The following AMN1 variants were observed in gnomAD, a reference collection of about 807,000 sequenced individuals.
AMN1 encodes antagonist of mitotic exit network 1 homolog, also known as protein AMN1 homolog.
Under a neutral mutation model 33.0 loss-of-function variants are expected in AMN1, and 20 were observed. That is an observed-to-expected ratio of 0.61 (90% CI 0.43 to 0.88). The LOEUF is 0.88. AMN1 is among the 40% of genes least tolerant of loss of function. The pLI is 0.00. For missense variants in AMN1, 246 were observed against 307.4 expected (o/e 0.80, Z 1.49); for synonymous variants, 114 against 111.9 (o/e 1.02, Z -0.12).
chr12:31,676,571 C>T (rs1937715177), intron 6 of AMN1, among the ~76,000 whole-genome samples: 1 of 150,690 alleles, frequency 6.6e-6, no homozygotes, highest in South Asian at 2.1e-4. Flanking sequence ...ATCTGCCCGC[C>T]TTGGCCTCCC....
chr12:31,687,798 G>A lies in AMN1; in HGVS notation c.703+1209C>T, dbSNP rs992251168. ...ACAAGTTAGATCCAGTTTATATTAC[G>A]GTGTGGACCTATTATAGGGGTAATA... On this transcript the variant is annotated intron_variant, in intron 6 of 6. Transcript: ENST00000281471. This position sits in a 1 kb window ranked among gnomAD's most constrained non-coding sequence, Gnocchi z 4.1. Among the ~76,000 whole-genome samples, 4 of 152,104 alleles carry A rather than the reference G, an allele frequency of 2.6e-5. No individual in the cohort carries two copies. The highest frequency in any genetic ancestry group is 7.2e-5 in the African/African-American group (3 of 41,402).
intron 6 of AMN1, among the ~76,000 whole-genome samples, chr12:31,682,433 G>C (rs1200880001): frequency 1.3e-5 from 2 of 150,750 alleles, no homozygotes; most frequent in South Asian, 4.2e-4. Context: ...TACTCAGAAG[G>C]GGGAGGGTAA....
intron 2 of AMN1, among the ~76,000 whole-genome samples, chr12:31,705,849 G>A (rs536518630): frequency 2.0e-5 from 3 of 152,126 alleles, no homozygotes; most frequent in South Asian, 2.1e-4. Context: ...CAAACACCTC[G>A]GCTGACAGAA....
intron 6 of AMN1, among the ~76,000 whole-genome samples, chr12:31,681,920 A>C (rs1237821162): frequency 1.3e-5 from 2 of 151,940 alleles, no homozygotes; most frequent in African/African-American, 4.8e-5. Context: ...CAAGCGATCC[A>C]CCCACCTTGG....
At position 31,701,884 on chromosome 12, in the gene AMN1, G is replaced by A. The variant is rs761759978; in HGVS notation, c.295C>T (p.Arg99Ter). 1.0e-5 allele frequency: 16 copies of A among 1,601,460 alleles called. No homozygotes were observed. The highest frequency in any genetic ancestry group is 1.2e-5 in the Non-Finnish European group (14 of 1,176,904). ...KLNLNASKGN[R>*]VSVTSEGIKA... ...ATACCTTCTGAAGTTACAGAAACTC[G>A]GTTCCCTTTTGAAGCATTTAAATTT... The change falls in exon 3 of 7, where the codon CGA becomes TGA. Residue 99 changes from arginine (R) to a stop codon, truncating the protein, a stop_gained. Coordinates refer to ENST00000281471, the MANE Select transcript of AMN1 (RefSeq NM_001113402.2). LOFTEE classifies it high-confidence loss of function.
At chr12:31,685,348 G>A (rs1437897143) in intron 6 of AMN1, among the ~76,000 whole-genome samples, 1 of 151,898 alleles carries the variant, frequency 6.6e-6, no homozygotes, top group Non-Finnish European at 1.5e-5. Context: ...ATTTTAATTT[G>A]TATGTTGAAC....
In AMN1 at chr12:31,703,043, A is replaced by C. The variant is rs1470580674; in HGVS notation, c.172-1036T>G. 2.0e-5 allele frequency among the ~76,000 whole-genome samples: 3 copies of C among 151,706 alleles called. No individual in the cohort carries two copies. The East Asian group carries it at 5.8e-4, about 29-fold the overall frequency. On this transcript the variant is annotated intron_variant, in intron 2 of 6. Transcript: ENST00000281471. ...TGAGCCACTGTGCCTGGCCTACATTATGTTATTTAATATTCTCTCTCTCTC... is the reference window on the plus strand; with the variant it reads ...TGAGCCACTGTGCCTGGCCTACATTCTGTTATTTAATATTCTCTCTCTCTC...
rs889081276 is a variant in AMN1, at chr12:31,687,744, C to T, written c.703+1263G>A. On this transcript the variant is annotated intron_variant, in intron 6 of 6. Coordinates refer to ENST00000281471, the MANE Select transcript of AMN1 (RefSeq NM_001113402.2). The surrounding 1 kb of genome is among the most constrained non-coding windows in gnomAD (Gnocchi z 4.1). ...TTTAGACTGTAATAAGAAAAATGAG[C>T]TGGAAGGACTGGGCATAACTACTGA... 6.6e-6 allele frequency among the ~76,000 whole-genome samples: 1 copy of T among 151,496 alleles called. No homozygotes were observed. The highest frequency in any genetic ancestry group is 2.4e-5 in the African/African-American group (1 of 41,212).
intron 3 of AMN1, among the ~76,000 whole-genome samples, chr12:31,700,244 T>G (rs998908666): frequency 4.0e-5 from 6 of 151,634 alleles, no homozygotes; most frequent in Admixed American, 3.9e-4. Context: ...ACATCTGCGG[T>G]CCCAGCTACT....
intron 2 of AMN1, among the ~76,000 whole-genome samples, chr12:31,702,512 A>G (rs1477749337): frequency 6.6e-6 from 1 of 152,118 alleles, no homozygotes; most frequent in Non-Finnish European, 1.5e-5. Context: ...AGGTTGACAA[A>G]TAATAGATTA....
chr12:31,704,745 A>T (rs1015834065), intron 2 of AMN1, among the ~76,000 whole-genome samples: 1 of 152,218 alleles, frequency 6.6e-6, no homozygotes, highest in Non-Finnish European at 1.5e-5. Flanking sequence ...TGGAGACTAG[A>T]GGGAGAGTAC....
chr12:31,672,509 C>A, intron 6 of AMN1, 132 bp from the exon 7 acceptor site: 2 of 636,358 alleles, frequency 3.1e-6, no homozygotes, highest in Non-Finnish European at 5.6e-6. Context: ...CTATAAAGCA[C>A]AATATACAAC....
intron 6 of AMN1, 131 bp downstream of exon 6, chr12:31,688,876 G>A (rs1329555187): frequency 6.1e-6 from 3 of 493,276 alleles, no homozygotes; most frequent in Non-Finnish European, 1.1e-5. Flanking sequence ...AAGTCTATGA[G>A]GTAGGTACTC....
intron 5 of AMN1, among the ~76,000 whole-genome samples, chr12:31,690,047 A>T (rs1045796650): frequency 6.6e-6 from 1 of 152,226 alleles, no homozygotes; most frequent in Admixed American, 6.5e-5. Flanking sequence ...ACTTAGAAGA[A>T]TAATCTCCAA....
chr12:31,701,800 C>G, intron 3 of AMN1, 63 bp downstream of exon 3: 2 of 1,410,610 alleles, frequency 1.4e-6, no homozygotes, highest in Non-Finnish European at 1.9e-6. Flanking sequence ...TTCTCCCTTA[C>G]TCCACAATTT....
At chr12:31,672,483 G>A (rs1951300070) in intron 6 of AMN1, 106 bp from the exon 7 acceptor site, 1 of 798,672 alleles carries the variant, frequency 1.3e-6, no homozygotes, top group Admixed American at 2.1e-5. Flanking sequence ...TTATTTAAAG[G>A]ATTAAAGGAG....
At chr12:31,695,546 G>A (rs568743324) in intron 5 of AMN1, among the ~76,000 whole-genome samples, 33 of 145,194 alleles carry the variant, frequency 2.3e-4, no homozygotes, top group Non-Finnish European at 3.1e-4. Flanking sequence ...ATGCAATAGC[G>A]CAGTCTCGGC....
intron 1 of AMN1, among the ~76,000 whole-genome samples, chr12:31,709,691 T>C (rs1939394077): frequency 1.3e-5 from 2 of 151,978 alleles, no homozygotes; most frequent in Admixed American, 1.3e-4. Flanking sequence ...TAGCTGAGCA[T>C]GGTGATGTGA....
intron 6 of AMN1, among the ~76,000 whole-genome samples, chr12:31,680,778 T>C (rs887641605): frequency 6.6e-6 from 1 of 152,144 alleles, no homozygotes; most frequent in Non-Finnish European, 1.5e-5. Context: ...CATATGCAAG[T>C]ATAGTAAATA....
Sources: gnomAD v4.1 joint callset for allele counts (sites outside exome capture counted in the v4.1 genomes callset) on GRCh38, gnomAD v4.1.1 for gene constraint, Gnocchi (gnomAD v3.1) non-coding constraint, MANE v1.5 for transcripts, NCBI Gene and HGNC (gene_info 2026-07-23, HGNC 2026-07-21) for gene names.